FHAD1: variants seen among roughly 807,000 people sequenced by gnomAD.
FHAD1 encodes the protein forkhead associated phosphopeptide binding domain 1, also known as forkhead-associated domain-containing protein 1.
A neutral mutation model predicts 191.3 loss-of-function variants in FHAD1; 146 were observed. The ratio of observed to expected loss-of-function variants is 0.76; its 90% CI spans 0.67 to 0.88. The LOEUF (loss-of-function observed/expected upper bound fraction) is 0.88. Among genes scored for constraint, FHAD1 ranks in the 40% least tolerant of loss-of-function variants. The pLI is 0.00. For missense variants in FHAD1, 1,635 were observed against 1,785.8 expected (o/e 0.92, Z 1.52); for synonymous variants, 616 against 672.3 (o/e 0.92, Z 1.29).
chr1:15,356,907 G>A (rs1433760852), intron 20 of FHAD1, among the ~76,000 whole-genome samples: 5 of 151,852 alleles, frequency 3.3e-5, no homozygotes, highest in Admixed American at 6.6e-5. Flanking sequence ...TTCATGTTGC[G>A]TAGAATGTCT....
rs895592007 is a variant in FHAD1 at position 15,289,199 on chromosome 1, G to A, written c.301-200G>A. 1.3e-5 allele frequency among the ~76,000 whole-genome samples: 2 copies of A among 152,158 alleles called. No individual in the cohort carries two copies. The highest frequency in any genetic ancestry group is 1.3e-4 in the Admixed American group (2 of 15,272). ...GGGTTTTGCCATGTTGTCCAGGCTG[G>A]TCTTGAACTCCTGAACTCAAGCTAG... On this transcript the variant is annotated intron_variant, in intron 3 of 33. Transcript: ENST00000688493. This position sits in a 1 kb window ranked among gnomAD's most constrained non-coding sequence, Gnocchi z 4.2.
rs200533304 is a variant in FHAD1 at position 15,301,414 on chromosome 1, G to C, written c.888G>C (p.Gln296His). Residue 296 changes from glutamine (Q) to histidine (H), a missense_variant, in exon 6 of 34, where the codon CAG becomes CAC. Coordinates refer to ENST00000688493, the MANE Select transcript of FHAD1 (RefSeq NM_001391957.1). Reference sequence around the variant, plus strand: ...TGGATGAAGACATCGATGCCAAACAGAAAGAGATCCAGAGCTTGAAAAGCC... The same window carrying C: ...TGGATGAAGACATCGATGCCAAACACAAAGAGATCCAGAGCTTGAAAAGCC... ...QVLDEDIDAK[Q>H]KEIQSLKSQI... is the part of the protein sequence containing the mutation. 362 of 1,551,752 alleles carry C rather than the reference G, an allele frequency of 2.3e-4. 1 individual carries two copies. In the African/African-American group the frequency reaches 4.2e-3, roughly 18 times the overall value.
intron 31 of FHAD1, among the ~76,000 whole-genome samples, chr1:15,384,862 C>G (rs1018047872): frequency 2.6e-5 from 4 of 152,202 alleles, no homozygotes; most frequent in East Asian, 1.9e-4. Flanking sequence ...GGAGGGCTGC[C>G]GGGCATCTGC....
rs571260 is a variant in FHAD1 at position 15,329,251 on chromosome 1, C to T, written c.1711-95C>T. On this transcript the variant is annotated intron_variant, in intron 13 of 33. Transcript: ENST00000688493. The surrounding 1 kb of genome is among the most constrained non-coding windows in gnomAD (Gnocchi z 5.0). ...GGCCAATACGTGGCGCTGCCTGCTT[C>T]GTGGCAGAGTCAAGAACGCTGTTCC... is the stretch of plus-strand genomic sequence containing the variant. 1,960 of 1,046,502 alleles carry T rather than the reference C, an allele frequency of 1.9e-3. 4 individuals carry two copies. The highest frequency in any genetic ancestry group is 2.4e-3 in the Non-Finnish European group (1,764 of 749,982). 64.8% of individuals were successfully genotyped at this position (1,046,502 alleles called of 1,614,324 possible). A position where few individuals can be genotyped will look rare whatever the true frequency, so the allele number is the denominator to read the frequency against.
chr1:15,365,352 T>C (rs1231564989), intron 23 of FHAD1, among the ~76,000 whole-genome samples: 3 of 152,018 alleles, frequency 2.0e-5, no homozygotes, highest in Non-Finnish European at 4.4e-5. Context: ...TTTTTTTTTT[T>C]CTTAGAGATG....
chr1:15,381,323 G>A lies in FHAD1; in HGVS notation c.3894G>A (p.Arg1298=), dbSNP rs781685775. The change falls in exon 30 of 34, where the codon AGG becomes AGA. Residue 1298 remains arginine (R), a synonymous_variant. Coordinates refer to ENST00000688493, the MANE Select transcript of FHAD1 (RefSeq NM_001391957.1). The surrounding 1 kb of genome is among the most constrained non-coding windows in gnomAD (Gnocchi z 4.6). ...VSMKYLSRQE[R]EKVNQLRQRD... is the part of the protein sequence containing the mutation. ...TGAAATACCTCTCCCGCCAGGAGAGGGAGAAGGTCAACCAGCTTCGACAAA... is the reference window on the plus strand; with the variant it reads ...TGAAATACCTCTCCCGCCAGGAGAGAGAGAAGGTCAACCAGCTTCGACAAA... 6.4e-7 allele frequency: 1 copy of A among 1,551,730 alleles called. No individual in the cohort carries two copies. The highest frequency in any genetic ancestry group is 1.2e-5 in the South Asian group (1 of 84,064).
At chr1:15,352,657 T>G (rs749309448) in intron 19 of FHAD1, among the ~76,000 whole-genome samples, 26 of 152,096 alleles carry the variant, frequency 1.7e-4, no homozygotes, top group Non-Finnish European at 3.7e-4. Flanking sequence ...GATGACTCAC[T>G]CTCTCCTTTA....
At chr1:15,303,411 G>A (rs1669429910) in intron 6 of FHAD1, among the ~76,000 whole-genome samples, 2 of 152,304 alleles carry the variant, frequency 1.3e-5, no homozygotes, top group South Asian at 2.1e-4. Context: ...GAGCTTTCCT[G>A]CACTAAGTGA....
chr1:15,312,955 C>T lies in FHAD1; in HGVS notation c.1040-102C>T. The T allele has an allele frequency of 1.4e-6, 2 of 1,428,882 alleles. No homozygotes were observed. The highest frequency in any genetic ancestry group is 1.4e-5 in the South Asian group (1 of 72,362). The allele number at this position is 1,428,882 out of a possible 1,614,324, so 88.5% of individuals were successfully genotyped here. On this transcript the variant is annotated intron_variant, in intron 7 of 33. Coordinates refer to ENST00000688493, the MANE Select transcript of FHAD1 (RefSeq NM_001391957.1). The surrounding 1 kb of genome is among the most constrained non-coding windows in gnomAD (Gnocchi z 4.7). ...AAGCTCCTGGGATCCTTGGAGACAC[C>T]TCCCTTCTCAGTGCCAGGCTCGTCA...
intron 28 of FHAD1, among the ~76,000 whole-genome samples, chr1:15,376,075 TTATTTTTTTATTTA>T (rs1699534647): frequency 7.2e-6 from 1 of 138,130 alleles, no homozygotes; most frequent in Admixed American, 7.1e-5. Context: ...ATTTATTTAT[TTATTTTTTTATTTA>T]TTTTTTTATT....
chr1:15,347,863 G>C (rs1389979806), intron 18 of FHAD1, among the ~76,000 whole-genome samples: 1 of 152,230 alleles, frequency 6.6e-6, no homozygotes, highest in East Asian at 1.9e-4. Context: ...CCCATTATCT[G>C]TTGTGAACTT....
intron 5 of FHAD1, 51 bp downstream of exon 5, chr1:15,296,844 A>T (rs1667149089): frequency 9.0e-6 from 13 of 1,441,370 alleles, no homozygotes; most frequent in South Asian, 2.5e-5. Context: ...AGCGCACTGC[A>T]AAGGGACTTG....
rs1262612408 is a variant in FHAD1 at position 15,329,393 on chromosome 1, C to A, written c.1758C>A (p.Val586=). ...SCCSHDLKKE[V]DLLQHLQVSP... ...GCAGCCATGACCTGAAGAAGGAGGT[C>A]GACCTTCTTCAGCACCTCCAGGTGA... The change falls in exon 14 of 34, where the codon GTC becomes GTA. Residue 586 remains valine, a synonymous_variant. Coordinates refer to ENST00000688493, the MANE Select transcript of FHAD1 (RefSeq NM_001391957.1). This position sits in a 1 kb window ranked among gnomAD's most constrained non-coding sequence, Gnocchi z 5.0. 2.6e-6 allele frequency: 4 copies of A among 1,550,714 alleles called. No individual in the cohort carries two copies. In the East Asian group the frequency reaches 7.3e-5, roughly 28 times the overall value.
chr1:15,249,166 C>G lies in FHAD1; in HGVS notation c.-15+1771C>G, dbSNP rs182560153. 1.4e-3 allele frequency among the ~76,000 whole-genome samples: 207 copies of G among 152,102 alleles called. 1 individual carries two copies. The highest frequency in any genetic ancestry group is 2.2e-3 in the Non-Finnish European group (152 of 68,012). ...AGAAAATGACAGAGAATGATAAGCT[C>G]AAGGAAGGAGCCACAGCAGTGACAC... On this transcript the variant is annotated intron_variant, in intron 1 of 33. Coordinates refer to ENST00000688493, the MANE Select transcript of FHAD1 (RefSeq NM_001391957.1).
intron 20 of FHAD1, among the ~76,000 whole-genome samples, chr1:15,355,037 C>T (rs1015287302): frequency 2.0e-5 from 3 of 152,060 alleles, no homozygotes; most frequent in African/African-American, 7.2e-5. Context: ...GGTGAAACCC[C>T]GTCTCTACTG....
chr1:15,295,074 G>A (rs555510960), intron 4 of FHAD1, among the ~76,000 whole-genome samples: 8 of 152,262 alleles, frequency 5.3e-5, no homozygotes, highest in Admixed American at 4.6e-4. Flanking sequence ...TTTTTAAAAC[G>A]TAACACTGCA....
At position 15,367,629 on chromosome 1, in the gene FHAD1, TG is replaced by T; in HGVS notation, c.3314+10del. The T allele has an allele frequency of 6.4e-6, 1 of 155,460 alleles. No individual in the cohort carries two copies. Among genetic ancestry groups the T allele is most frequent in the Non-Finnish European group, 1.1e-5 (1 of 89,436 alleles). 9.6% of individuals were successfully genotyped at this position (155,460 alleles called of 1,614,324 possible). A position where few individuals can be genotyped will look rare whatever the true frequency, so the allele number is the denominator to read the frequency against. ...CCCTTGAGGAGGCACTCAGGTTGGGTGGGCGGGGGCCGGGTTGGGGGGATGG... is the reference window on the plus strand; with the variant it reads ...CCCTTGAGGAGGCACTCAGGTTGGGTGGCGGGGGCCGGGTTGGGGGGATGG... On this transcript the variant is annotated splice_region_variant and intron_variant, in intron 25 of 33. Coordinates refer to ENST00000688493, the MANE Select transcript of FHAD1 (RefSeq NM_001391957.1).
intron 32 of FHAD1, 88 bp downstream of exon 32, chr1:15,388,219 C>T (rs746098322): frequency 9.2e-5 from 75 of 816,792 alleles, no homozygotes; most frequent in Non-Finnish European, 6.2e-5. Context: ...TGCCTGCACG[C>T]GCTGCCCAAG....
At chr1:15,345,052 T>C (rs770361989) in intron 16 of FHAD1, 31 bp from the exon 17 acceptor site, 21 of 1,514,884 alleles carry the variant, frequency 1.4e-5, no homozygotes, top group Non-Finnish European at 1.8e-5. Flanking sequence ...ATGGTAACCA[T>C]GTCTGTTAAA....
Sources: gnomAD v4.1 joint callset for allele counts (sites outside exome capture counted in the v4.1 genomes callset) on GRCh38, gnomAD v4.1.1 for gene constraint, Gnocchi (gnomAD v3.1) non-coding constraint, MANE v1.5 for transcripts, NCBI Gene and HGNC (gene_info 2026-07-23, HGNC 2026-07-21) for gene names.